SCHIP1: variants seen among roughly 807,000 people sequenced by gnomAD.
SCHIP1 encodes schwannomin interacting protein 1, also known as schwannomin-interacting protein 1.
A neutral mutation model predicts 29.7 loss-of-function variants in SCHIP1; 8 were observed. The observed-to-expected ratio is 0.27, with a 90% confidence interval of 0.16 to 0.49. The LOEUF is 0.49. Ranked by LOEUF, SCHIP1 falls within the 20% of genes least tolerant of loss-of-function variation. The pLI is 0.99. For missense variants in SCHIP1, 193 were observed against 294.6 expected, an observed-to-expected ratio of 0.66 and a Z score of 2.52; for synonymous variants, 76 against 94.9, an observed-to-expected ratio of 0.80 and a Z score of 1.16.
chr3:159,477,808 T>C, the SCHIP1 span, among the ~76,000 whole-genome samples: 1 of 152,174 alleles, frequency 6.6e-6, no homozygotes, highest in Non-Finnish European at 1.5e-5. Flanking sequence ...ATTTTTGCCT[T>C]TGTCATCAAT....
chr3:159,751,866 T>C, the SCHIP1 span, among the ~76,000 whole-genome samples: 1 of 152,158 alleles, frequency 6.6e-6, no homozygotes, highest in Admixed American at 6.5e-5. Context: ...CATGTTGAAT[T>C]GTAATTCCCA....
the SCHIP1 span, among the ~76,000 whole-genome samples, chr3:159,672,077 T>C: frequency 2.0e-5 from 3 of 152,202 alleles, no homozygotes; most frequent in Non-Finnish European, 4.4e-5. Context: ...AAATCTGATA[T>C]CTCACAAGGA....
the SCHIP1 span, among the ~76,000 whole-genome samples, chr3:159,480,267 T>C: frequency 6.6e-6 from 1 of 152,126 alleles, no homozygotes; most frequent in African/African-American, 2.4e-5. Context: ...TGTATGAGTA[T>C]GTGGTTATAA....
At chr3:159,858,842 C>T (rs1265478214) in intron 1 of SCHIP1, among the ~76,000 whole-genome samples, 1 of 152,188 alleles carries the variant, frequency 6.6e-6, no homozygotes, top group Non-Finnish European at 1.5e-5. Flanking sequence ...TGTTGCCCAG[C>T]AGCCCAGGCT....
chr3:159,504,086 CTCTA>C, the SCHIP1 span, among the ~76,000 whole-genome samples: 2 of 152,194 alleles, frequency 1.3e-5, no homozygotes, highest in Non-Finnish European at 2.9e-5. Flanking sequence ...TTTTTTGGAA[CTCTA>C]TCTCTCAGGT....
At chr3:159,859,611 A>G (rs1199601383) in intron 1 of SCHIP1, among the ~76,000 whole-genome samples, 2 of 152,234 alleles carry the variant, frequency 1.3e-5, no homozygotes, top group South Asian at 4.1e-4. Flanking sequence ...GGGATCATTA[A>G]TTGCTTCAAA....
intron 2 of SCHIP1, among the ~76,000 whole-genome samples, chr3:159,871,549 T>C (rs969296252): frequency 6.6e-6 from 1 of 152,192 alleles, no homozygotes; most frequent in African/African-American, 2.4e-5. Context: ...AAATGAATGG[T>C]GAACTTCACT....
At chr3:159,382,312 G>A in the SCHIP1 span, among the ~76,000 whole-genome samples, 4 of 148,184 alleles carry the variant, frequency 2.7e-5, no homozygotes, top group Admixed American at 6.9e-5. Flanking sequence ...ATGTGTCCAT[G>A]TGTTCTCATT....
the SCHIP1 span, among the ~76,000 whole-genome samples, chr3:159,619,539 C>T: frequency 6.6e-6 from 1 of 152,244 alleles, no homozygotes; most frequent in African/African-American, 2.4e-5. Flanking sequence ...CAAACCTCAG[C>T]ACCCATCTCT....
chr3:159,695,615 G>C, the SCHIP1 span, among the ~76,000 whole-genome samples: 2 of 152,100 alleles, frequency 1.3e-5, no homozygotes, highest in East Asian at 3.9e-4. Context: ...GCCTAACAGG[G>C]TACAATAAAT....
the SCHIP1 span, among the ~76,000 whole-genome samples, chr3:159,319,431 G>A: frequency 6.6e-6 from 1 of 152,126 alleles, no homozygotes. Context: ...TGACTATTTG[G>A]ACTCAAAAAC....
the SCHIP1 span, among the ~76,000 whole-genome samples, chr3:159,392,840 G>T: frequency 6.6e-6 from 1 of 152,286 alleles, no homozygotes; most frequent in East Asian, 1.9e-4. Flanking sequence ...TAATGGGATG[G>T]CTGGGTCAAA....
chr3:159,593,910 C>T, the SCHIP1 span, among the ~76,000 whole-genome samples: 2 of 152,166 alleles, frequency 1.3e-5, no homozygotes, highest in African/African-American at 2.4e-5. Context: ...GCTCCTGGCT[C>T]AGCTAGGGAG....
At chr3:159,383,469 C>A in the SCHIP1 span, among the ~76,000 whole-genome samples, 359 of 151,710 alleles carry the variant, frequency 2.4e-3, 6 homozygotes, top group African/African-American at 8.1e-3. Flanking sequence ...TGATCTATAT[C>A]TCTCTTTTGG....
At chr3:159,679,617 A>G in the SCHIP1 span, among the ~76,000 whole-genome samples, 1 of 152,200 alleles carries the variant, frequency 6.6e-6, no homozygotes, top group African/African-American at 2.4e-5. Flanking sequence ...GGGAAGAGTG[A>G]TTCTTTATAG....
chr3:159,350,855 A>G, the SCHIP1 span, among the ~76,000 whole-genome samples: 1 of 152,112 alleles, frequency 6.6e-6, no homozygotes, highest in Non-Finnish European at 1.5e-5. Flanking sequence ...GCATCTTTTG[A>G]CTTATTCATC....
At chr3:159,307,979 T>C in the SCHIP1 span, among the ~76,000 whole-genome samples, 2 of 152,148 alleles carry the variant, frequency 1.3e-5, no homozygotes, top group African/African-American at 2.4e-5. Context: ...ACGGTGGCTT[T>C]ACAGTATATA....
At chr3:159,790,535 A>C in the SCHIP1 span, among the ~76,000 whole-genome samples, 1 of 152,134 alleles carries the variant, frequency 6.6e-6, no homozygotes, top group South Asian at 2.1e-4. Context: ...AAATACAAAA[A>C]TTTAGCTGGC....
At chr3:159,576,782 C>T in the SCHIP1 span, among the ~76,000 whole-genome samples, 2 of 152,076 alleles carry the variant, frequency 1.3e-5, no homozygotes, top group Admixed American at 6.6e-5. Context: ...GTTTACTAAC[C>T]TTCTGCATGC....
Sources: gnomAD v4.1 joint callset for allele counts (sites outside exome capture counted in the v4.1 genomes callset) on GRCh38, gnomAD v4.1.1 for gene constraint, MANE v1.5 for transcripts, NCBI Gene and HGNC (gene_info 2026-07-23, HGNC 2026-07-21) for gene names.